KIF1A: variants seen among roughly 807,000 people sequenced by gnomAD.
KIF1A encodes kinesin family member 1A.
Under a neutral mutation model 227.3 loss-of-function variants are expected in KIF1A, and 46 were observed. The observed-to-expected ratio is 0.20, with a 90% CI of 0.16 to 0.26. The LOEUF is 0.26. Among genes scored for constraint, KIF1A ranks in the 10% least tolerant of loss-of-function variants. The pLI, the probability that KIF1A is intolerant of heterozygous loss-of-function variation, is 1.00. For synonymous variants in KIF1A, 1,022 were observed against 1,012.8 expected (o/e 1.01, Z -0.17); for missense variants, 1,683 against 2,485.9 (o/e 0.68, Z 6.87).
chr2:240,799,906 G>A (rs2056808187), intron 1 of KIF1A, among the ~76,000 whole-genome samples: 1 of 152,126 alleles, frequency 6.6e-6, no homozygotes, highest in African/African-American at 2.4e-5. Flanking sequence ...CCCAAATTTA[G>A]CTATATAAAT....
Position 240,790,559 on chromosome 2 carries a change from A to G in KIF1A, c.107-1247T>C, listed in dbSNP as rs1240461375. On this transcript the variant is annotated intron_variant, in intron 2 of 48. Coordinates refer to ENST00000498729, the MANE Select transcript of KIF1A (RefSeq NM_001244008.2). This position sits in a 1 kb window ranked among gnomAD's most constrained non-coding sequence, Gnocchi z 5.0. The stretch of plus-strand genomic sequence containing the variant: ...GTTACGAGTTAAACTGTGTCCCCCT[A>G]ATTTCATATTTTGAAGCCTTTACCC... 1.3e-5 allele frequency among the ~76,000 whole-genome samples: 2 copies of G among 151,790 alleles called. No homozygotes were observed. Among genetic ancestry groups the G allele is most frequent in the African/African-American group, 4.8e-5 (2 of 41,302 alleles).
chr2:240,725,167 G>T lies in KIF1A; in HGVS notation c.4256+104C>A. The T allele has an allele frequency of 2.4e-6, 3 of 1,272,388 alleles. No individual in the cohort carries two copies. Among genetic ancestry groups the T allele is most frequent in the Non-Finnish European group, 3.3e-6 (3 of 914,704 alleles). 78.8% of individuals were successfully genotyped at this position (1,272,388 alleles called of 1,614,324 possible). On this transcript the variant is annotated intron_variant, in intron 40 of 48. Coordinates refer to ENST00000498729, the MANE Select transcript of KIF1A (RefSeq NM_001244008.2). The surrounding 1 kb of genome is among the most constrained non-coding windows in gnomAD (Gnocchi z 5.8). The stretch of plus-strand genomic sequence containing the variant: ...GGAGTGTGGCTGGGCCTCGCACAGG[G>T]TGAGCTGCCGGGTGGCCCAAGGACC...
intron 27 of KIF1A, among the ~76,000 whole-genome samples, chr2:240,751,625 C>G (rs1406497417): frequency 6.6e-6 from 1 of 152,130 alleles, no homozygotes; most frequent in South Asian, 2.1e-4. Flanking sequence ...CCCATCACCA[C>G]CAGCCACCCT....
At chr2:240,727,829 G>C (rs768637058) in intron 38 of KIF1A, among the ~76,000 whole-genome samples, 2 of 152,210 alleles carry the variant, frequency 1.3e-5, no homozygotes, top group Non-Finnish European at 2.9e-5. Context: ...TGTTACGTGA[G>C]AGTTCCTGTT....
Position 240,778,411 on chromosome 2 carries a change from A to G in KIF1A, c.883-2485T>C, listed in dbSNP as rs10207548. Among the ~76,000 whole-genome samples the G allele has an allele frequency of 0.64, 96,796 of 151,012 alleles. 32,168 individuals carry two copies. The highest frequency in any genetic ancestry group is 0.83 in the African/African-American group (33,943 of 41,114). ...CACAGCTCCAGAGAAACTTGCCCAC[A>G]TTCCTCCAACATTTCCTAACACGGC... On this transcript the variant is annotated intron_variant, in intron 10 of 48. Transcript: ENST00000498729. The surrounding 1 kb of genome is among the most constrained non-coding windows in gnomAD (Gnocchi z 7.2).
chr2:240,784,424 C>T (rs1000321761), intron 7 of KIF1A, among the ~76,000 whole-genome samples: 9 of 152,220 alleles, frequency 5.9e-5, no homozygotes, highest in Admixed American at 2.6e-4. Context: ...GCGCCGACCT[C>T]GTCCAGCTTC....
chr2:240,715,305 G>A lies in KIF1A; in HGVS notation c.*2059C>T, dbSNP rs544112020. On this transcript the variant is annotated 3_prime_UTR_variant, in exon 49 of 49. Coordinates refer to ENST00000498729, the MANE Select transcript of KIF1A (RefSeq NM_001244008.2). ...TGGCTTCTGAATTTTATTTTGGGAT[G>A]TGAATCCTCACCTGGGAGATTTCCA... The A allele has an allele frequency of 2.0e-5, 3 of 152,556 alleles. No individual in the cohort carries two copies. Among genetic ancestry groups the A allele is most frequent in the East Asian group, 3.8e-4 (2 of 5,324 alleles). 9.5% of individuals were successfully genotyped at this position (152,556 alleles called of 1,614,324 possible).
At chr2:240,782,472 TC>T (rs1221822135) in intron 10 of KIF1A, 117 bp downstream of exon 10, 6 of 1,115,922 alleles carry the variant, frequency 5.4e-6, no homozygotes, top group Non-Finnish European at 7.8e-6. Flanking sequence ...CACCCCCACG[TC>T]CCCCATCTCC....
At chr2:240,723,914 C>A in intron 41 of KIF1A, 61 bp downstream of exon 41, 1 of 1,389,810 alleles carries the variant, frequency 7.2e-7, no homozygotes, top group South Asian at 1.2e-5. Flanking sequence ...GTGGTCACCC[C>A]AAGTGGGCAG....
At chr2:240,795,746 C>T (rs1559537306) in intron 2 of KIF1A, among the ~76,000 whole-genome samples, 1 of 152,330 alleles carries the variant, frequency 6.6e-6, no homozygotes, top group East Asian at 1.9e-4. Context: ...GCCACTCGCC[C>T]ACCCTGGCCG....
chr2:240,808,707 A>G (rs2126214449), intron 1 of KIF1A, among the ~76,000 whole-genome samples: 1 of 152,020 alleles, frequency 6.6e-6, no homozygotes, highest in South Asian at 2.1e-4. Flanking sequence ...AACCCAAACT[A>G]TAGAGTACCT....
rs1270347909 is a variant in KIF1A, at chr2:240,775,440, C to T, written c.958+411G>A. On this transcript the variant is annotated intron_variant, in intron 11 of 48. Transcript: ENST00000498729. This position sits in a 1 kb window ranked among gnomAD's most constrained non-coding sequence, Gnocchi z 5.5. ...TAAGTCTCACTGCTCAGAACTCAGACGGAGAAGAGGAGGTTTATGGCAGCC... is the reference window on the plus strand; with the variant it reads ...TAAGTCTCACTGCTCAGAACTCAGATGGAGAAGAGGAGGTTTATGGCAGCC... 6.6e-6 allele frequency among the ~76,000 whole-genome samples: 1 copy of T among 152,188 alleles called. No individual in the cohort carries two copies. Among genetic ancestry groups the T allele is most frequent in the East Asian group, 1.9e-4 (1 of 5,194 alleles).
At chr2:240,786,705 TCA>T (rs1178184875) in intron 5 of KIF1A, among the ~76,000 whole-genome samples, 192 bp from the exon 6 acceptor site, 25 of 118,256 alleles carry the variant, frequency 2.1e-4, no homozygotes, top group Non-Finnish European at 3.1e-4. Context: ...GGAGCCAGCA[TCA>T]GGACCCCTGA....
rs928190697 is a variant in KIF1A, at chr2:240,757,132, G to A, written c.2858+187C>T. On this transcript the variant is annotated intron_variant, in intron 27 of 48. Transcript: ENST00000498729. This position sits in a 1 kb window ranked among gnomAD's most constrained non-coding sequence, Gnocchi z 6.2. ...CGACCGTCTCCAGGATGGGTGAGCAGCCCCACTGCAAGGATGCAGGGCCCG... is the reference window on the plus strand; with the variant it reads ...CGACCGTCTCCAGGATGGGTGAGCAACCCCACTGCAAGGATGCAGGGCCCG... Among the ~76,000 whole-genome samples, 7 of 152,244 alleles carry A rather than the reference G, an allele frequency of 4.6e-5. No individual in the cohort carries two copies. Among genetic ancestry groups the A allele is most frequent in the Non-Finnish European group, 7.3e-5 (5 of 68,030 alleles).
chr2:240,789,976 C>T lies in KIF1A; in HGVS notation c.107-664G>A, dbSNP rs761474366. On this transcript the variant is annotated intron_variant, in intron 2 of 48. Transcript: ENST00000498729. This position sits in a 1 kb window ranked among gnomAD's most constrained non-coding sequence, Gnocchi z 4.8. ...ATGAACACGTGATGATGCCCCCGCC[C>T]ACAGCCGGTGCCTGGGGGGGTTTCC... Among the ~76,000 whole-genome samples the T allele has an allele frequency of 1.4e-4, 22 of 152,178 alleles. No individual in the cohort carries two copies. The highest frequency in any genetic ancestry group is 4.6e-4 in the African/African-American group (19 of 41,456).
chr2:240,723,457 G>C lies in KIF1A; in HGVS notation c.4420C>G (p.Leu1474Val). ...GWRPRSDSLI[L>V]DHQWELEKLS... The stretch of plus-strand genomic sequence containing the variant: ...TTCTCCAGCTCCCACTGGTGGTCCA[G>C]AATGAGACTGTCACTCCGGGGCCTC... Residue 1474 changes from leucine to valine, a missense_variant, in exon 42 of 49, where the codon CTG (leucine) becomes GTG (valine). Transcript: ENST00000498729. 1 of 1,552,056 alleles carries C rather than the reference G, an allele frequency of 6.4e-7. No homozygotes were observed.
Position 240,754,230 on chromosome 2 carries a change from C to T in KIF1A, c.2858+3089G>A, listed in dbSNP as rs1398689451. 1.3e-5 allele frequency among the ~76,000 whole-genome samples: 2 copies of T among 152,186 alleles called. 1 individual carries two copies. Among genetic ancestry groups the T allele is most frequent in the African/African-American group, 4.8e-5 (2 of 41,440 alleles). On this transcript the variant is annotated intron_variant, in intron 27 of 48. Transcript: ENST00000498729. Reference sequence around the variant, plus strand: ...AGAGGTTATACAATGAAAAGGACCCCGGAGGTCTGACACCAAATGCTCCCC... The same window carrying T: ...AGAGGTTATACAATGAAAAGGACCCTGGAGGTCTGACACCAAATGCTCCCC...
At chr2:240,768,171 C>T (rs1393342981) in intron 17 of KIF1A, among the ~76,000 whole-genome samples, 1 of 152,198 alleles carries the variant, frequency 6.6e-6, no homozygotes, top group Non-Finnish European at 1.5e-5. Flanking sequence ...AGTGCCCAGA[C>T]CCAGGGCAAC....
intron 27 of KIF1A, among the ~76,000 whole-genome samples, chr2:240,753,609 G>T (rs1005479626): frequency 6.6e-6 from 1 of 152,144 alleles, no homozygotes; most frequent in African/African-American, 2.4e-5. Context: ...GCTCCCTAGG[G>T]GCCAAGCACA....
Sources: gnomAD v4.1 joint callset for allele counts (sites outside exome capture counted in the v4.1 genomes callset) on GRCh38, gnomAD v4.1.1 for gene constraint, Gnocchi (gnomAD v3.1) non-coding constraint, MANE v1.5 for transcripts, NCBI Gene and HGNC (gene_info 2026-07-23, HGNC 2026-07-21) for gene names.